Variants in ATOSA observed in about 807,000 individuals in gnomAD.
ATOSA encodes atos homolog A, also known as atos homolog protein A.
the ATOSA span, among the ~76,000 whole-genome samples, chr15:52,619,994 TA>T: frequency 6.6e-6 from 1 of 152,206 alleles, no homozygotes; most frequent in Non-Finnish European, 1.5e-5. Context: ...GGTCCCTACC[TA>T]AGACCTCAAT....
the ATOSA span, among the ~76,000 whole-genome samples, chr15:52,702,632 G>GTTGA: frequency 1.3e-5 from 2 of 151,968 alleles, no homozygotes; most frequent in Admixed American, 6.6e-5. Flanking sequence ...GAGGACAAGA[G>GTTGA]TTGAAAAAGT....
the ATOSA span, among the ~76,000 whole-genome samples, chr15:52,607,639 C>T: frequency 6.6e-6 from 1 of 152,022 alleles, no homozygotes; most frequent in Non-Finnish European, 1.5e-5. Flanking sequence ...GGTGAAGTAT[C>T]AAAAAGAACC....
At chr15:52,623,593 A>G in the ATOSA span, among the ~76,000 whole-genome samples, 303 of 152,164 alleles carry the variant, frequency 2.0e-3, no homozygotes, top group African/African-American at 6.6e-3. Context: ...CCTTGAGAGA[A>G]TAGGAAGTTT....
chr15:52,634,886 G>A, the ATOSA span, among the ~76,000 whole-genome samples: 1 of 152,120 alleles, frequency 6.6e-6, no homozygotes, highest in Non-Finnish European at 1.5e-5. Context: ...ACAGGTGTGA[G>A]CCATGGTGCC....
the ATOSA span, among the ~76,000 whole-genome samples, chr15:52,654,563 C>T: frequency 1.3e-5 from 2 of 152,092 alleles, no homozygotes; most frequent in Non-Finnish European, 2.9e-5. Context: ...CACAACAAAC[C>T]TCCTTCCCCT....
chr15:52,621,662 G>T, the ATOSA span, among the ~76,000 whole-genome samples: 11 of 152,060 alleles, frequency 7.2e-5, no homozygotes, highest in African/African-American at 2.7e-4. Flanking sequence ...TTTATAAAGC[G>T]GAGTTCCCCT....
At chr15:52,684,621 T>C in the ATOSA span, among the ~76,000 whole-genome samples, 1 of 152,190 alleles carries the variant, frequency 6.6e-6, no homozygotes, top group Non-Finnish European at 1.5e-5. Flanking sequence ...TGAATCTAAT[T>C]TTTTTTACAC....
chr15:52,701,559 A>G, the ATOSA span, among the ~76,000 whole-genome samples: 20 of 152,238 alleles, frequency 1.3e-4, no homozygotes, highest in African/African-American at 4.6e-4. Context: ...TCCTTTCTTC[A>G]CAACACACAC....
At chr15:52,611,702 T>C in the ATOSA span, 4 of 1,614,026 alleles carry the variant, frequency 2.5e-6, no homozygotes, top group South Asian at 1.1e-5. Context: ...GGTAGTAGCA[T>C]CATTTCCACC....
At chr15:52,611,421 T>C in the ATOSA span, among the ~76,000 whole-genome samples, 38 of 152,376 alleles carry the variant, frequency 2.5e-4, no homozygotes, top group South Asian at 7.9e-3. Context: ...TAAATGCAAG[T>C]ACTATATTTA....
At chr15:52,658,799 T>C in the ATOSA span, 13 of 120,112 alleles carry the variant, frequency 1.1e-4, no homozygotes, top group South Asian at 8.1e-4. Flanking sequence ...ACCTCGTTTC[T>C]ACAAAAAAAA....
At chr15:52,654,265 C>G in the ATOSA span, among the ~76,000 whole-genome samples, 4 of 152,050 alleles carry the variant, frequency 2.6e-5, no homozygotes, top group Non-Finnish European at 5.9e-5. Context: ...ATAGATGTGC[C>G]ACCTTAAAAA....
the ATOSA span, among the ~76,000 whole-genome samples, chr15:52,672,093 T>C: frequency 6.9e-6 from 1 of 145,218 alleles, no homozygotes; most frequent in African/African-American, 2.5e-5. Flanking sequence ...TCCCAGCACT[T>C]TGAGAGGCTG....
chr15:52,597,425 C>T, the ATOSA span, among the ~76,000 whole-genome samples: 3 of 152,122 alleles, frequency 2.0e-5, no homozygotes, highest in Non-Finnish European at 2.9e-5. Context: ...TCTATCCATA[C>T]AACAGTAATA....
At chr15:52,673,265 T>C in the ATOSA span, among the ~76,000 whole-genome samples, 1 of 152,222 alleles carries the variant, frequency 6.6e-6, no homozygotes, top group African/African-American at 2.4e-5. Context: ...CTTTCCAAGA[T>C]CACAATACTT....
At chr15:52,668,122 G>T in the ATOSA span, among the ~76,000 whole-genome samples, 3 of 152,190 alleles carry the variant, frequency 2.0e-5, no homozygotes, top group African/African-American at 7.2e-5. Context: ...CATATTTATT[G>T]CAGTATTATT....
chr15:52,697,676 A>G, the ATOSA span, among the ~76,000 whole-genome samples: 1 of 152,174 alleles, frequency 6.6e-6, no homozygotes, highest in Non-Finnish European at 1.5e-5. Context: ...CTTGCAATAC[A>G]TATATCTAAC....
the ATOSA span, among the ~76,000 whole-genome samples, chr15:52,622,758 TG>T: frequency 6.6e-6 from 1 of 151,924 alleles, no homozygotes; most frequent in Non-Finnish European, 1.5e-5. Context: ...TAGGAACGAA[TG>T]GGTCAAATCC....
At chr15:52,618,048 T>TA in the ATOSA span, among the ~76,000 whole-genome samples, 1 of 1,812 alleles carries the variant, frequency 5.5e-4, no homozygotes, top group African/African-American at 1.4e-3. Flanking sequence ...CAATTTTTCC[T>TA]TTTTTTTTGA....
Sources: gnomAD v4.1 joint callset for allele counts (sites outside exome capture counted in the v4.1 genomes callset) on GRCh38, gnomAD v4.1.1 for gene constraint, MANE v1.5 for transcripts, NCBI Gene and HGNC (gene_info 2026-07-23, HGNC 2026-07-21) for gene names.